Variants in ZBBX observed in about 807,000 individuals in gnomAD.
The protein encoded by ZBBX is zinc finger B-box domain-containing protein 1.
In ZBBX, 101 loss-of-function variants were observed where a neutral mutation model predicts 108.5. The ratio of observed to expected loss-of-function variants is 0.93; its 90% confidence interval spans 0.79 to 1.10. The LOEUF is 1.10. Ranked by LOEUF, ZBBX falls within the 50% of genes least tolerant of loss-of-function variation. The probability of loss-of-function intolerance (pLI) is 0.00; values close to 1 mark genes in which losing one functional copy is unlikely to be tolerated. For missense variants in ZBBX, 1,009 were observed against 941.4 expected (o/e 1.07, Z -0.94); for synonymous variants, 356 against 323.4 (o/e 1.10, Z -1.08).
Position 167,351,563 on chromosome 3 carries a change from T to C in ZBBX, c.433-1048A>G, listed in dbSNP as rs544184235. Among the ~76,000 whole-genome samples, 10 of 152,250 alleles carry C rather than the reference T, an allele frequency of 6.6e-5. No individual in the cohort carries two copies. The South Asian group carries it at 2.1e-3, about 32-fold the overall frequency. ...TTTCCAATGCTCCTCATTCCTACCA[T>C]GGACCTCTGCAATCCTAACTATGGA... On this transcript the variant is annotated intron_variant, in intron 8 of 21. Transcript: ENST00000675490.
chr3:167,287,731 C>T, intron 19 of ZBBX, among the ~76,000 whole-genome samples: 1 of 152,166 alleles, frequency 6.6e-6, no homozygotes, highest in Non-Finnish European at 1.5e-5. Context: ...CTGATTGCCT[C>T]AGAGGGAAGC....
chr3:167,314,167 A>T (rs1196805683), intron 15 of ZBBX, 51 bp from the exon 16 acceptor site: 27 of 1,498,630 alleles, frequency 1.8e-5, no homozygotes, highest in Non-Finnish European at 2.2e-5. Flanking sequence ...AATGATTTTA[A>T]AAAGAAAATT....
intron 2 of ZBBX, among the ~76,000 whole-genome samples, chr3:167,375,950 T>C (rs1042933977): frequency 6.6e-6 from 1 of 152,196 alleles, no homozygotes; most frequent in Non-Finnish European, 1.5e-5. Context: ...TCCCTATTAG[T>C]GGTCCCAGGT....
intron 8 of ZBBX, among the ~76,000 whole-genome samples, chr3:167,352,062 A>G (rs1012786843): frequency 5.1e-5 from 7 of 137,250 alleles, no homozygotes; most frequent in African/African-American, 1.9e-4. Context: ...CCTATATCAA[A>G]AAGATAGAAA....
the ZBBX span, among the ~76,000 whole-genome samples, chr3:167,208,460 C>G: frequency 6.6e-6 from 1 of 152,184 alleles, no homozygotes; most frequent in African/African-American, 2.4e-5. Context: ...TGTTTTGCAA[C>G]TAGGATACCA....
At chr3:167,344,505 CAG>C (rs1267399003) in intron 9 of ZBBX, among the ~76,000 whole-genome samples, 2 of 151,718 alleles carry the variant, frequency 1.3e-5, no homozygotes, top group Admixed American at 1.3e-4. Flanking sequence ...CCATGCTCAC[CAG>C]AGTCTGCCTG....
chr3:167,355,035 A>T (rs1203005105), intron 8 of ZBBX, among the ~76,000 whole-genome samples: 1 of 151,970 alleles, frequency 6.6e-6, no homozygotes, highest in Non-Finnish European at 1.5e-5. Context: ...TTCCCACCAC[A>T]GATGCTTCCT....
At chr3:167,348,352 GAA>G (rs763979229) in intron 9 of ZBBX, among the ~76,000 whole-genome samples, 1 of 103,784 alleles carries the variant, frequency 9.6e-6, no homozygotes, top group Non-Finnish European at 1.9e-5. Context: ...AAGAAAGAAA[GAA>G]AGAAAGAAAG....
At chr3:167,399,892 C>A (rs1560217287) in intron 1 of ZBBX, among the ~76,000 whole-genome samples, 1 of 152,038 alleles carries the variant, frequency 6.6e-6, no homozygotes, top group Non-Finnish European at 1.5e-5. Flanking sequence ...TCCTCAGCAT[C>A]TACTGTTCCT....
intron 9 of ZBBX, among the ~76,000 whole-genome samples, chr3:167,339,770 T>C (rs531882893): frequency 6.6e-6 from 1 of 152,204 alleles, no homozygotes; most frequent in South Asian, 2.1e-4. Flanking sequence ...TCATCTAGGT[T>C]TTAAGCCCTG....
intron 18 of ZBBX, among the ~76,000 whole-genome samples, chr3:167,291,512 T>C (rs1378056274): frequency 6.6e-6 from 1 of 152,076 alleles, no homozygotes; most frequent in African/African-American, 2.4e-5. Context: ...TGCTGAGAGA[T>C]CTTGTCACCA....
intron 20 of ZBBX, among the ~76,000 whole-genome samples, chr3:167,275,650 T>A (rs1727420081): frequency 6.6e-6 from 1 of 152,224 alleles, no homozygotes; most frequent in African/African-American, 2.4e-5. Context: ...TCTCGCTGAT[T>A]GCTAGCACAG....
intron 20 of ZBBX, among the ~76,000 whole-genome samples, chr3:167,274,043 A>G (rs1343330634): frequency 6.6e-6 from 1 of 152,232 alleles, no homozygotes; most frequent in African/African-American, 2.4e-5. Flanking sequence ...TTGGGAAAAC[A>G]GAATGGCCCT....
At chr3:167,353,984 C>T (rs1577073315) in intron 8 of ZBBX, among the ~76,000 whole-genome samples, 1 of 151,948 alleles carries the variant, frequency 6.6e-6, no homozygotes, top group African/African-American at 2.4e-5. Context: ...GCCCAATAAA[C>T]CCATCATAAA....
intron 6 of ZBBX, among the ~76,000 whole-genome samples, chr3:167,365,059 T>A (rs551901152): frequency 2.6e-5 from 4 of 151,974 alleles, no homozygotes; most frequent in Admixed American, 6.6e-5. Context: ...ACAAATAGCC[T>A]GTTTCTAGTG....
At chr3:167,222,746 T>C in the ZBBX span, among the ~76,000 whole-genome samples, 1 of 151,616 alleles carries the variant, frequency 6.6e-6, no homozygotes, top group Non-Finnish European at 1.5e-5. Flanking sequence ...AAATGAAACA[T>C]AAAAAATTTT....
At chr3:167,398,017 C>T (rs527898266) in intron 1 of ZBBX, among the ~76,000 whole-genome samples, 3 of 151,860 alleles carry the variant, frequency 2.0e-5, no homozygotes, top group Middle Eastern at 3.4e-3. Flanking sequence ...AAAATGCACA[C>T]AGTTGGTAGT....
chr3:167,316,903 GTTAT>G lies in ZBBX; in HGVS notation c.1194+98_1194+101del, dbSNP rs1735550139. On this transcript the variant is annotated intron_variant, in intron 14 of 21. Coordinates refer to ENST00000675490, the MANE Select transcript of ZBBX (RefSeq NM_001199201.2). ...GTAAATTTCCTATTAAACTATGTTA[GTTAT>G]TTGAGAAATCTTATTGAAAATAATA... 6 of 613,666 alleles carry G rather than the reference GTTAT, an allele frequency of 9.8e-6. No homozygotes were observed. The South Asian group carries it at 1.9e-4, about 20-fold the overall frequency. The allele number at this position is 613,666 out of a possible 1,614,324, so 38.0% of individuals were successfully genotyped here.
the ZBBX span, among the ~76,000 whole-genome samples, chr3:167,178,884 C>A: frequency 6.6e-6 from 1 of 152,090 alleles, no homozygotes; most frequent in African/African-American, 2.4e-5. Context: ...TCCCTGTCTC[C>A]CCGCTTTTGC....
Sources: allele counts gnomAD v4.1 joint callset (sites outside exome capture counted in the v4.1 genomes callset), GRCh38; gene constraint gnomAD v4.1.1; transcripts MANE v1.5; gene names NCBI Gene and HGNC (gene_info 2026-07-23, HGNC 2026-07-21).